The following IFRD1 variants were observed in gnomAD, a reference collection of about 807,000 sequenced individuals.
IFRD1 encodes the protein interferon related developmental regulator 1, also known as interferon-related developmental regulator 1.
A neutral mutation model predicts 52.9 loss-of-function variants in IFRD1; 35 were observed. The ratio of observed to expected loss-of-function variants is 0.66; its 90% confidence interval spans 0.51 to 0.88. The LOEUF (loss-of-function observed/expected upper bound fraction) is 0.88. Ranked by LOEUF, IFRD1 falls within the 40% of genes least tolerant of loss-of-function variation. The pLI, the probability that IFRD1 is intolerant of heterozygous loss-of-function variation, is 0.00. For missense variants in IFRD1, 517 were observed against 550.8 expected, an observed-to-expected ratio of 0.94 and a Z score of 0.61; for synonymous variants, 184 against 188.4, an observed-to-expected ratio of 0.98 and a Z score of 0.19.
At chr7:112,426,911 C>G (rs530540765) in intron 1 of IFRD1, among the ~76,000 whole-genome samples, 14 of 152,324 alleles carry the variant, frequency 9.2e-5, no homozygotes, top group Admixed American at 5.9e-4. Flanking sequence ...TGGAGGCCCC[C>G]CTCTGAGTTG....
upstream of IFRD1, chr7:112,450,290 G>C (rs1321395486): frequency 5.1e-6 from 1 of 197,306 alleles, no homozygotes; most frequent in Non-Finnish European, 1.1e-5. Context: ...CCCTGGGCGC[G>C]GACGGAAGAC....
chr7:112,473,661 G>A (rs1387712842), intron 11 of IFRD1, among the ~76,000 whole-genome samples: 1 of 152,114 alleles, frequency 6.6e-6, no homozygotes, highest in African/African-American at 2.4e-5. Flanking sequence ...CTGACCTCAG[G>A]TGATCCACCC....
upstream of IFRD1, among the ~76,000 whole-genome samples, chr7:112,449,026 G>C (rs1167125814): frequency 1.3e-5 from 2 of 152,208 alleles, no homozygotes; most frequent in Admixed American, 1.3e-4. Context: ...AGGCTAAAAG[G>C]GTTGGCATTT....
Position 112,461,856 on chromosome 7 carries a change from T to TA in IFRD1, c.568-10_568-9insA. 1 of 1,396,512 alleles carries TA rather than the reference T, an allele frequency of 7.2e-7. No homozygotes were observed. Among genetic ancestry groups the TA allele is most frequent in the Non-Finnish European group, 1.0e-6 (1 of 994,636 alleles). The allele number at this position is 1,396,512 out of a possible 1,614,324, so 86.5% of individuals were successfully genotyped here. On this transcript the variant is annotated splice_polypyrimidine_tract_variant and intron_variant, in intron 5 of 11. Transcript: ENST00000403825. ...CATTAATGTCTATATATATATATTT[T>TA]TTTTTTTAGTGTGCAACTTGCTTTG...
intron 1 of IFRD1, among the ~76,000 whole-genome samples, chr7:112,424,687 T>C (rs755074921): frequency 7.9e-5 from 12 of 152,088 alleles, no homozygotes; most frequent in Non-Finnish European, 1.8e-4. Flanking sequence ...AGTGCTGGGA[T>C]TGCAGGCCTG....
At position 112,475,960 on chromosome 7, in the gene IFRD1, T is replaced by C. The variant is rs1795891798; in HGVS notation, c.*441T>C. On this transcript the variant is annotated 3_prime_UTR_variant, in exon 12 of 12. Transcript: ENST00000403825. ...AAGCTGCTGTATTTTTAATTTTTAA[T>C]GGAATGTAGCTTTTAAAATCCTGTC... The C allele has an allele frequency of 6.0e-6, 1 of 168,030 alleles. No homozygotes were observed. The highest frequency in any genetic ancestry group is 1.3e-5 in the Non-Finnish European group (1 of 78,372). The allele number at this position is 168,030 out of a possible 1,614,324, so 10.4% of individuals were successfully genotyped here. A position where few individuals can be genotyped will look rare whatever the true frequency, so the allele number is the denominator to read the frequency against.
At chr7:112,426,427 G>A (rs1444534198) in intron 1 of IFRD1, among the ~76,000 whole-genome samples, 1 of 152,200 alleles carries the variant, frequency 6.6e-6, no homozygotes, top group African/African-American at 2.4e-5. Context: ...TGCTATAACA[G>A]AATAGCACAG....
intron 1 of IFRD1, among the ~76,000 whole-genome samples, chr7:112,445,130 A>G (rs1037945852): frequency 1.0e-4 from 15 of 145,968 alleles, no homozygotes; most frequent in African/African-American, 1.3e-4. Flanking sequence ...GCAGTGGCGC[A>G]ATCTCGGCTC....
intron 1 of IFRD1, among the ~76,000 whole-genome samples, chr7:112,426,721 C>CT (rs1311580604): frequency 6.6e-6 from 1 of 152,148 alleles, no homozygotes; most frequent in African/African-American, 2.4e-5. Context: ...AGAACAGACT[C>CT]TTTGAGTCTG....
intron 4 of IFRD1, 69 bp downstream of exon 4, chr7:112,457,107 AT>A: frequency 6.7e-7 from 1 of 1,496,538 alleles, no homozygotes; most frequent in Non-Finnish European, 9.3e-7. Context: ...TTTCAGTAAC[AT>A]TTAGTAATAG....
At chr7:112,427,372 C>T (rs1324908734) in intron 1 of IFRD1, among the ~76,000 whole-genome samples, 1 of 152,192 alleles carries the variant, frequency 6.6e-6, no homozygotes, top group Non-Finnish European at 1.5e-5. Flanking sequence ...GTTAAGGTGG[C>T]AGGGCTAGCA....
At chr7:112,453,308 T>G (rs1304089537) in intron 1 of IFRD1, among the ~76,000 whole-genome samples, 1 of 152,174 alleles carries the variant, frequency 6.6e-6, no homozygotes. Flanking sequence ...GAACAAAACC[T>G]TGTTAGTAAG....
At position 112,450,497 on chromosome 7, in the gene IFRD1, T is replaced by C. The variant is rs1359384022; in HGVS notation, c.-192T>C. 5 of 625,070 alleles carry C rather than the reference T, an allele frequency of 8.0e-6. No individual in the cohort carries two copies. The African/African-American group carries it at 9.2e-5, about 11-fold the overall frequency. 38.7% of individuals were successfully genotyped at this position (625,070 alleles called of 1,614,324 possible). On this transcript the variant is annotated 5_prime_UTR_variant, in exon 1 of 12. Coordinates refer to ENST00000403825, the MANE Select transcript of IFRD1 (RefSeq NM_001550.4). ...GCGCTAGAGAGAAACATGTATCGTT[T>C]TCGATCACAGCTCTTCACGGGGATT...
rs749131911 is a variant in IFRD1, at chr7:112,456,937, T to G, written c.308T>G (p.Leu103Arg). ...AGTGCGAAGACAAGGCAAGCAGCTC[T>G]TGAAGGTATTAAAAATGCACTGGCT... ...DKSAKTRQAALEGIKNALASK... is the reference protein window; with the variant it reads ...DKSAKTRQAAREGIKNALASK... The change falls in exon 4 of 12, where the codon CTT becomes CGT. Residue 103 changes from leucine (L) to arginine (R), a missense_variant. Transcript: ENST00000403825. 6.2e-7 allele frequency: 1 copy of G among 1,613,972 alleles called. No individual in the cohort carries two copies. Among genetic ancestry groups the G allele is most frequent in the South Asian group, 1.1e-5 (1 of 91,084 alleles).
intron 1 of IFRD1, among the ~76,000 whole-genome samples, chr7:112,433,289 A>G (rs1297320653): frequency 3.9e-5 from 6 of 152,138 alleles, no homozygotes; most frequent in African/African-American, 9.7e-5. Context: ...GTGGGTTGGA[A>G]AGTGGGGTGT....
intron 1 of IFRD1, among the ~76,000 whole-genome samples, chr7:112,429,804 TACAAAAATTGCAGCTTGGTTA>T: frequency 6.6e-6 from 1 of 152,352 alleles, no homozygotes. Flanking sequence ...AACCTCATGT[TACAAAAATTGCAGCTTGGTTA>T]AGTTTTCTAT....
intron 5 of IFRD1, chr7:112,461,262 T>C (rs1795424931): frequency 6.6e-6 from 1 of 152,224 alleles, no homozygotes; most frequent in South Asian, 2.1e-4. Flanking sequence ...TGATTTCTTT[T>C]AGAAGTTTTC....
intron 8 of IFRD1, among the ~76,000 whole-genome samples, chr7:112,462,847 A>G (rs1245684365): frequency 6.6e-6 from 1 of 152,158 alleles, no homozygotes; most frequent in Non-Finnish European, 1.5e-5. Flanking sequence ...AGACTGGGAC[A>G]TGTGCTTTGC....
At chr7:112,427,858 C>G (rs1304897648) in intron 1 of IFRD1, among the ~76,000 whole-genome samples, 1 of 152,110 alleles carries the variant, frequency 6.6e-6, no homozygotes, top group Admixed American at 6.5e-5. Flanking sequence ...GCTCCTATTC[C>G]CAAGGAGATC....
Sources: gnomAD v4.1 joint callset for allele counts (sites outside exome capture counted in the v4.1 genomes callset) on GRCh38, gnomAD v4.1.1 for gene constraint, MANE v1.5 for transcripts, NCBI Gene and HGNC (gene_info 2026-07-23, HGNC 2026-07-21) for gene names.